Variants in ADAMTS2 observed in about 807,000 individuals in gnomAD.
The protein encoded by ADAMTS2 is A disintegrin and metalloproteinase with thrombospondin motifs 2.
A neutral mutation model predicts 123.0 loss-of-function variants in ADAMTS2; 50 were observed. The ratio of observed to expected loss-of-function variants is 0.41; its 90% confidence interval spans 0.32 to 0.51. The LOEUF (loss-of-function observed/expected upper bound fraction) is 0.51, where lower values mean the gene tolerates loss of function less well. Among genes scored for constraint, ADAMTS2 ranks in the 20% least tolerant of loss-of-function variants. The pLI is 0.35. For synonymous variants in ADAMTS2, 678 were observed against 695.4 expected, an observed-to-expected ratio of 0.98 and a Z score of 0.39; for missense variants, 1,494 against 1,705.2, an observed-to-expected ratio of 0.88 and a Z score of 2.18.
chr5:179,126,440 A>G (rs989712329), intron 17 of ADAMTS2, among the ~76,000 whole-genome samples: 2 of 152,180 alleles, frequency 1.3e-5, no homozygotes, highest in African/African-American at 2.4e-5. Flanking sequence ...TTGACCTCAC[A>G]TGCCCAGCAG....
intron 2 of ADAMTS2, among the ~76,000 whole-genome samples, chr5:179,315,255 C>CTGAGGCCACAGTTGGCTTCTGGAAAGCAG (rs1756956911): frequency 6.6e-6 from 1 of 152,066 alleles, no homozygotes; most frequent in Non-Finnish European, 1.5e-5. Context: ...CTGGAAAGCA[C>CTGAGGCCACAGTTGGCTTCTGGAAAGCAG]TGAGGCCACA....
At position 179,128,679 on chromosome 5, in the gene ADAMTS2, C is replaced by T. The variant is rs1018512136; in HGVS notation, c.2458-561G>A. On this transcript the variant is annotated intron_variant, in intron 16 of 21. Transcript: ENST00000251582. This position sits in a 1 kb window ranked among gnomAD's most constrained non-coding sequence, Gnocchi z 4.9. ...AAGTACTGGGATTACAGGCATGAGC[C>T]ACTGCGCCTGGCCTATGTGTGAGTC... Among the ~76,000 whole-genome samples the T allele has an allele frequency of 3.3e-5, 5 of 152,168 alleles. No individual in the cohort carries two copies. The highest frequency in any genetic ancestry group is 9.7e-5 in the African/African-American group (4 of 41,424).
At position 179,345,021 on chromosome 5, in the gene ADAMTS2, C is replaced by A. The variant is rs944419952; in HGVS notation, c.139+169G>T. Among the ~76,000 whole-genome samples the A allele has an allele frequency of 7.2e-5, 11 of 151,890 alleles. No homozygotes were observed. The highest frequency in any genetic ancestry group is 1.3e-4 in the Non-Finnish European group (9 of 67,918). On this transcript the variant is annotated intron_variant, in intron 1 of 21. Transcript: ENST00000251582. The surrounding 1 kb of genome is among the most constrained non-coding windows in gnomAD (Gnocchi z 7.5). ...AGGCGCTCGGGGGCGGTGCGGGGCG[C>A]CCCCTGCGCGACCAACCCGGCCCCG...
chr5:179,306,918 C>T (rs940181677), intron 2 of ADAMTS2, among the ~76,000 whole-genome samples: 2 of 152,194 alleles, frequency 1.3e-5, no homozygotes, highest in Admixed American at 1.3e-4. Context: ...CAGGACCAGG[C>T]CTGACAGGAG....
rs1156401670 is a variant in ADAMTS2, at chr5:179,115,700, G to C, written c.3179-1376C>G. Among the ~76,000 whole-genome samples the C allele has an allele frequency of 1.3e-5, 2 of 150,946 alleles. No homozygotes were observed. Among genetic ancestry groups the C allele is most frequent in the Non-Finnish European group, 2.9e-5 (2 of 68,016 alleles). On this transcript the variant is annotated intron_variant, in intron 21 of 21. Transcript: ENST00000251582. The surrounding 1 kb of genome is among the most constrained non-coding windows in gnomAD (Gnocchi z 4.4). ...AAAGGAAGAAAGGGAGGAGGAAAGGGAGGGAGAAAGGGAGGGAGAAAGGCT... is the reference window on the plus strand; with the variant it reads ...AAAGGAAGAAAGGGAGGAGGAAAGGCAGGGAGAAAGGGAGGGAGAAAGGCT...
chr5:179,154,720 G>T, intron 7 of ADAMTS2, 94 bp downstream of exon 7: 2 of 1,050,906 alleles, frequency 1.9e-6, no homozygotes, highest in Non-Finnish European at 2.9e-6. Flanking sequence ...GACACAGGGC[G>T]TGTCCCTCTT....
rs762128833 is a variant in ADAMTS2 at position 179,132,305 on chromosome 5, T to C, written c.2215A>G (p.Ile739Val). Residue 739 changes from isoleucine to valine, a missense_variant, in exon 15 of 22, where the codon ATC becomes GTC. Transcript: ENST00000251582. The surrounding 1 kb of genome is among the most constrained non-coding windows in gnomAD (Gnocchi z 6.1). ...FTRSPKKHGY[I>V]KMFEIPAGAR... ...CCTGCAGGGATCTCAAACATCTTGA[T>C]GTAACCTTTTTTTGATGTGGAAAGA... is the stretch of plus-strand genomic sequence containing the variant. 6.2e-7 allele frequency: 1 copy of C among 1,614,110 alleles called. No homozygotes were observed. The highest frequency in any genetic ancestry group is 8.5e-7 in the Non-Finnish European group (1 of 1,179,984).
intron 3 of ADAMTS2, among the ~76,000 whole-genome samples, chr5:179,241,383 T>C (rs1765667563): frequency 6.6e-6 from 1 of 152,198 alleles, no homozygotes; most frequent in Admixed American, 6.5e-5. Flanking sequence ...AGAGATGACC[T>C]CACGCTGGTG....
chr5:179,287,015 T>C (rs905515740), intron 2 of ADAMTS2, among the ~76,000 whole-genome samples: 5 of 152,152 alleles, frequency 3.3e-5, no homozygotes, highest in African/African-American at 1.2e-4. Context: ...CTACGGGAGT[T>C]TAGGACCTCA....
chr5:179,344,171 G>C lies in ADAMTS2; in HGVS notation c.140-10C>G, dbSNP rs2127463508. 5 of 1,592,066 alleles carry C rather than the reference G, an allele frequency of 3.1e-6. No homozygotes were observed. The South Asian group carries it at 5.7e-5, about 18-fold the overall frequency. On this transcript the variant is annotated splice_polypyrimidine_tract_variant and intron_variant, in intron 1 of 21. Transcript: ENST00000251582. The stretch of plus-strand genomic sequence containing the variant: ...TGCCCCAGGGGCCCGCCTGCAACGG[G>C]AAGGGGCGTTAGATCGGCGGAGACC...
intron 4 of ADAMTS2, among the ~76,000 whole-genome samples, chr5:179,193,431 G>A (rs1764351579): frequency 1.3e-5 from 2 of 152,198 alleles, no homozygotes; most frequent in Non-Finnish European, 2.9e-5. Context: ...GCTCACATAA[G>A]TGGGCATGGG....
At chr5:179,222,667 C>T (rs1259477206) in intron 3 of ADAMTS2, among the ~76,000 whole-genome samples, 2 of 152,244 alleles carry the variant, frequency 1.3e-5, no homozygotes, top group African/African-American at 2.4e-5. Flanking sequence ...TAGCAGCCAG[C>T]GGCAGGCCTG....
intron 10 of ADAMTS2, among the ~76,000 whole-genome samples, chr5:179,150,542 G>A (rs1189765074): frequency 6.6e-6 from 1 of 152,158 alleles, no homozygotes; most frequent in Non-Finnish European, 1.5e-5. Flanking sequence ...GTGGAGAAAC[G>A]GATACACCAA....
At position 179,242,018 on chromosome 5, in the gene ADAMTS2, G is replaced by GCCCT. The variant is rs1561623091; in HGVS notation, c.688+30889_688+30892dup. 6.6e-6 allele frequency among the ~76,000 whole-genome samples: 1 copy of GCCCT among 152,180 alleles called. No individual in the cohort carries two copies. The highest frequency in any genetic ancestry group is 1.9e-4 in the East Asian group (1 of 5,198). ...ACATAGCCCACACCTGGTACTCAAT[G>GCCCT]CCCTCAGCACAGTGATTGGTCCAGG... On this transcript the variant is annotated intron_variant, in intron 3 of 21. Transcript: ENST00000251582. The surrounding 1 kb of genome is among the most constrained non-coding windows in gnomAD (Gnocchi z 4.2).
intron 4 of ADAMTS2, among the ~76,000 whole-genome samples, chr5:179,206,553 C>A (rs1764700904): frequency 6.6e-6 from 1 of 152,198 alleles, no homozygotes; most frequent in South Asian, 2.1e-4. Flanking sequence ...CTTCCTCCCA[C>A]AAATACCCCC....
intron 2 of ADAMTS2, among the ~76,000 whole-genome samples, chr5:179,335,218 A>T (rs972606156): frequency 1.3e-5 from 2 of 152,234 alleles, no homozygotes; most frequent in Non-Finnish European, 2.9e-5. Flanking sequence ...GTTTTTAAAA[A>T]AAAAAGACAC....
intron 3 of ADAMTS2, among the ~76,000 whole-genome samples, chr5:179,211,966 C>A (rs1454171183): frequency 1.3e-5 from 2 of 152,222 alleles, no homozygotes; most frequent in African/African-American, 4.8e-5. Context: ...AATTACATGA[C>A]TCGGACAAGC....
At chr5:179,198,916 A>C (rs1412553852) in intron 4 of ADAMTS2, among the ~76,000 whole-genome samples, 1 of 151,592 alleles carries the variant, frequency 6.6e-6, no homozygotes, top group African/African-American at 2.4e-5. Context: ...CAGGCTCAGC[A>C]CACACCCAGT....
chr5:179,207,875 G>A (rs945286525), intron 3 of ADAMTS2, among the ~76,000 whole-genome samples, 160 bp from the exon 4 acceptor site: 21 of 152,334 alleles, frequency 1.4e-4, no homozygotes, highest in African/African-American at 4.6e-4. Flanking sequence ...GAGGAAGATG[G>A]CAGAGACTTG....
Sources: allele counts gnomAD v4.1 joint callset (sites outside exome capture counted in the v4.1 genomes callset), GRCh38; gene constraint gnomAD v4.1.1; non-coding constraint Gnocchi (gnomAD v3.1); transcripts MANE v1.5; gene names NCBI Gene and HGNC (gene_info 2026-07-23, HGNC 2026-07-21).